Variants in TRPC1 observed in about 807,000 individuals in gnomAD.
TRPC1 encodes transient receptor potential cation channel subfamily C member 1.
Under a neutral mutation model 88.2 loss-of-function variants are expected in TRPC1, and 42 were observed. The observed-to-expected ratio is 0.48, with a 90% confidence interval of 0.37 to 0.62. The LOEUF (loss-of-function observed/expected upper bound fraction) is 0.62. Ranked by LOEUF, TRPC1 falls within the 20% of genes least tolerant of loss-of-function variation. The pLI is 0.00. For synonymous variants in TRPC1, 288 were observed against 331.8 expected (o/e 0.87, Z 1.43); for missense variants, 699 against 957.3 (o/e 0.73, Z 3.56).
At chr3:142,797,164 G>GA (rs1936478497) in intron 9 of TRPC1, among the ~76,000 whole-genome samples, 1 of 146,924 alleles carries the variant, frequency 6.8e-6, no homozygotes, top group Admixed American at 6.8e-5. Context: ...AAACTAAGTG[G>GA]AAAAAAGGTT....
At chr3:142,756,485 G>A (rs369339998) in intron 4 of TRPC1, among the ~76,000 whole-genome samples, 1 of 151,194 alleles carries the variant, frequency 6.6e-6, no homozygotes, top group African/African-American at 2.4e-5. Flanking sequence ...TCAGCCTCCC[G>A]AGTAGCTGGA....
intron 12 of TRPC1, among the ~76,000 whole-genome samples, chr3:142,805,141 C>T (rs1214995489): frequency 6.7e-6 from 1 of 149,926 alleles, no homozygotes; most frequent in African/African-American, 2.5e-5. Flanking sequence ...CACACACACA[C>T]ACACACACAC....
chr3:142,797,682 G>A (rs891325156), intron 9 of TRPC1, among the ~76,000 whole-genome samples: 1 of 152,016 alleles, frequency 6.6e-6, no homozygotes, highest in African/African-American at 2.4e-5. Context: ...TTCTTTATCC[G>A]TTATTGTGAG....
chr3:142,758,251 A>T (rs1935047487), intron 4 of TRPC1, among the ~76,000 whole-genome samples: 2 of 152,190 alleles, frequency 1.3e-5, no homozygotes, highest in Admixed American at 1.3e-4. Context: ...CATTTCCAGC[A>T]ACAGTGTGTG....
rs568473277 is a variant in TRPC1, at chr3:142,724,586, G to A, written c.27G>A (p.Thr9=). The A allele has an allele frequency of 6.3e-7, 1 of 1,591,846 alleles. No homozygotes were observed. The highest frequency in any genetic ancestry group is 2.3e-5 in the East Asian group (1 of 43,702). MMAALYPS[T]DLSGASSSSL... ...TGATGGCGGCCCTGTACCCGAGCACGGACCTCTCGGGCGCCTCCTCCTCCT... is the reference window on the plus strand; with the variant it reads ...TGATGGCGGCCCTGTACCCGAGCACAGACCTCTCGGGCGCCTCCTCCTCCT... The change falls in exon 1 of 13, where the codon ACG becomes ACA. Residue 9 remains threonine (T), a synonymous_variant. Transcript: ENST00000476941. This position sits in a 1 kb window ranked among gnomAD's most constrained non-coding sequence, Gnocchi z 5.6.
intron 2 of TRPC1, among the ~76,000 whole-genome samples, chr3:142,739,569 G>GA (rs1560094217): frequency 1.3e-5 from 2 of 152,250 alleles, no homozygotes; most frequent in Non-Finnish European, 2.9e-5. Context: ...TAGGAATTAG[G>GA]AAAAATAATT....
intron 9 of TRPC1, among the ~76,000 whole-genome samples, chr3:142,796,177 G>A (rs1379995973): frequency 6.6e-6 from 1 of 152,014 alleles, no homozygotes; most frequent in Non-Finnish European, 1.5e-5. Flanking sequence ...TCACATGGTT[G>A]GTAAGTAGCA....
intron 9 of TRPC1, among the ~76,000 whole-genome samples, 161 bp from the exon 10 acceptor site, chr3:142,802,008 A>G (rs1936634696): frequency 6.6e-6 from 1 of 151,982 alleles, no homozygotes; most frequent in Non-Finnish European, 1.5e-5. Flanking sequence ...AGGCAGCTGG[A>G]TTTTCGATGT....
At chr3:142,766,471 G>C (rs1363383788) in intron 4 of TRPC1, among the ~76,000 whole-genome samples, 1 of 150,338 alleles carries the variant, frequency 6.7e-6, no homozygotes, top group Admixed American at 6.7e-5. Flanking sequence ...TGCGATCTCA[G>C]CTCACTGCAA....
At chr3:142,766,797 A>G (rs1935409745) in intron 4 of TRPC1, among the ~76,000 whole-genome samples, 1 of 152,130 alleles carries the variant, frequency 6.6e-6, no homozygotes, top group African/African-American at 2.4e-5. Context: ...CTATTGAGGG[A>G]CCTTGTGATC....
intron 4 of TRPC1, among the ~76,000 whole-genome samples, chr3:142,756,567 G>T (rs1342012802): frequency 6.6e-6 from 1 of 151,996 alleles, no homozygotes; most frequent in African/African-American, 2.4e-5. Flanking sequence ...CACCGTGTTA[G>T]CCAGGATGGT....
At chr3:142,786,230 T>C (rs989169311) in intron 7 of TRPC1, among the ~76,000 whole-genome samples, 1 of 152,228 alleles carries the variant, frequency 6.6e-6, no homozygotes, top group Non-Finnish European at 1.5e-5. Context: ...TTTAGTCTTA[T>C]CTATGGCACA....
chr3:142,793,878 AT>A, intron 9 of TRPC1: 1 of 985,334 alleles, frequency 1.0e-6, no homozygotes, highest in Non-Finnish European at 1.2e-6. Flanking sequence ...ACCTGATTTG[AT>A]TAGGCTTGTG....
chr3:142,740,858 A>G (rs866715797), intron 2 of TRPC1, among the ~76,000 whole-genome samples: 3 of 152,212 alleles, frequency 2.0e-5, no homozygotes, highest in Non-Finnish European at 2.9e-5. Flanking sequence ...TAAGCAAGTT[A>G]GCAAAGAGTG....
At chr3:142,781,263 A>G (rs1011212981) in intron 6 of TRPC1, among the ~76,000 whole-genome samples, 1 of 152,192 alleles carries the variant, frequency 6.6e-6, no homozygotes, top group Admixed American at 6.5e-5. Context: ...GTATGCAATA[A>G]ATGGTAGTTT....
chr3:142,729,837 G>A (rs897193068), intron 1 of TRPC1, among the ~76,000 whole-genome samples: 18 of 152,172 alleles, frequency 1.2e-4, no homozygotes, highest in African/African-American at 4.1e-4. Flanking sequence ...ACTTTTAGGA[G>A]CCTAGATGAA....
intron 2 of TRPC1, among the ~76,000 whole-genome samples, chr3:142,737,935 G>C (rs542644440): frequency 6.6e-6 from 1 of 152,086 alleles, no homozygotes; most frequent in East Asian, 1.9e-4. Context: ...ACACTTAAAG[G>C]CATAAGCTTC....
intron 3 of TRPC1, among the ~76,000 whole-genome samples, chr3:142,745,816 GGCGTGATCTC>G (rs1934528643): frequency 6.6e-6 from 1 of 151,664 alleles, no homozygotes; most frequent in South Asian, 2.1e-4. Flanking sequence ...GCAGTGCAAT[GGCGTGATCTC>G]AGGTCACTGC....
At chr3:142,726,857 T>G (rs1264647653) in intron 1 of TRPC1, among the ~76,000 whole-genome samples, 1 of 152,130 alleles carries the variant, frequency 6.6e-6, no homozygotes, top group East Asian at 1.9e-4. Context: ...TGGGGTCGAG[T>G]GTTCATGCTT....
Sources: allele counts gnomAD v4.1 joint callset (sites outside exome capture counted in the v4.1 genomes callset), GRCh38; gene constraint gnomAD v4.1.1; non-coding constraint Gnocchi (gnomAD v3.1); transcripts MANE v1.5; gene names NCBI Gene and HGNC (gene_info 2026-07-23, HGNC 2026-07-21).